The following USP48 variants were observed in gnomAD, a reference collection of about 807,000 sequenced individuals.
USP48 encodes ubiquitin specific peptidase 48.
Under a neutral mutation model 150.7 loss-of-function variants are expected in USP48, and 43 were observed. That is an observed-to-expected ratio of 0.29 (90% CI 0.22 to 0.37). The LOEUF is 0.37. Among genes scored for constraint, USP48 ranks in the 10% least tolerant of loss-of-function variants. The pLI is 1.00. For missense variants in USP48, 813 were observed against 1,249.6 expected, an observed-to-expected ratio of 0.65 and a Z score of 5.27; for synonymous variants, 396 against 425.9, an observed-to-expected ratio of 0.93 and a Z score of 0.86.
chr1:21,770,873 A>G lies in USP48; in HGVS notation c.134+11951T>C, dbSNP rs559903341. ...TACAGTGGCTCACGCCTGTAATCCC[A>G]GCACTATGGGACACCGAGGCAGGCA... On this transcript the variant is annotated intron_variant, in intron 1 of 26. Transcript: ENST00000308271. 2.5e-4 allele frequency among the ~76,000 whole-genome samples: 38 copies of G among 152,146 alleles called. No homozygotes were observed. In the South Asian group the frequency reaches 5.4e-3, roughly 22 times the overall value.
chr1:21,731,823 C>T (rs893047259), intron 9 of USP48, among the ~76,000 whole-genome samples: 7 of 152,026 alleles, frequency 4.6e-5, no homozygotes, highest in Admixed American at 2.0e-4. Flanking sequence ...GAGCCAAGAT[C>T]ACGCCACTGT....
At chr1:21,690,123 A>C in intron 23 of USP48, 24 bp from the exon 24 acceptor site, 1 of 1,604,342 alleles carries the variant, frequency 6.2e-7, no homozygotes, top group Non-Finnish European at 8.5e-7. Flanking sequence ...AAAGAGAGAA[A>C]GTCCGTATAA....
At chr1:21,689,683 C>A (rs2097591450) in intron 24 of USP48, among the ~76,000 whole-genome samples, 1 of 152,112 alleles carries the variant, frequency 6.6e-6, no homozygotes, top group African/African-American at 2.4e-5. Flanking sequence ...CCAGGAAAGG[C>A]CAAGGAAAGC....
chr1:21,780,738 A>ATTTTTTTT (rs34071636), intron 1 of USP48, among the ~76,000 whole-genome samples: 1 of 117,452 alleles, frequency 8.5e-6, no homozygotes, highest in Non-Finnish European at 1.7e-5. Flanking sequence ...AGATAAGATA[A>ATTTTTTTT]TTTTTTTTTT....
intron 22 of USP48, 120 bp downstream of exon 22, chr1:21,701,378 A>AG (rs1449382630): frequency 4.1e-6 from 3 of 737,494 alleles, no homozygotes; most frequent in Non-Finnish European, 4.3e-6. Flanking sequence ...AAAAAAAAAA[A>AG]AAAGAAAAAA....
chr1:21,678,559 G>T lies in USP48; in HGVS notation c.*858C>A, dbSNP rs528648699. 7.2e-5 allele frequency: 11 copies of T among 152,272 alleles called. No homozygotes were observed. Among genetic ancestry groups the T allele is most frequent in the Non-Finnish European group, 1.0e-4 (7 of 68,012 alleles). The allele number at this position is 152,272 out of a possible 1,614,324, so 9.4% of individuals were successfully genotyped here. A position where few individuals can be genotyped will look rare whatever the true frequency, so the allele number is the denominator to read the frequency against. On this transcript the variant is annotated 3_prime_UTR_variant, in exon 27 of 27. Transcript: ENST00000308271. ...AGAACAAATTTTATAGAAACCTTGT[G>T]TTATCCAAATGTACTTCAGTCTGAT...
At chr1:21,679,490 G>C (rs1274765437) in intron 26 of USP48, 51 bp from the exon 27 acceptor site, 1 of 1,607,210 alleles carries the variant, frequency 6.2e-7, no homozygotes. Flanking sequence ...CAGATTAAAA[G>C]TTCATGGATT....
intron 1 of USP48, among the ~76,000 whole-genome samples, chr1:21,771,564 A>G (rs568150366): frequency 6.6e-6 from 1 of 151,972 alleles, no homozygotes; most frequent in South Asian, 2.1e-4. Context: ...AATACTATAA[A>G]ATAATTAGAA....
At chr1:21,727,907 T>C in intron 11 of USP48, 3 of 982,818 alleles carry the variant, frequency 3.1e-6, no homozygotes, top group Non-Finnish European at 3.6e-6. Context: ...CTTCCTTAAG[T>C]AGGAATTAGG....
intron 15 of USP48, among the ~76,000 whole-genome samples, chr1:21,711,212 G>A (rs938339214): frequency 6.6e-6 from 1 of 152,150 alleles, no homozygotes; most frequent in African/African-American, 2.4e-5. Flanking sequence ...TTAACTCTAA[G>A]TTGGCGAAAG....
intron 23 of USP48, among the ~76,000 whole-genome samples, chr1:21,691,786 C>T (rs1021899405): frequency 3.3e-5 from 5 of 152,168 alleles, no homozygotes; most frequent in Non-Finnish European, 7.3e-5. Context: ...GACAGGCAAA[C>T]ACAGGTAACC....
intron 15 of USP48, among the ~76,000 whole-genome samples, chr1:21,707,239 G>A (rs891265901): frequency 4.6e-5 from 7 of 152,176 alleles, no homozygotes; most frequent in Admixed American, 4.6e-4. Flanking sequence ...GGCAAGCGCT[G>A]CTTAACAAAA....
In USP48 at chr1:21,748,104, T is replaced by G; in HGVS notation, c.908+34A>C. 4 of 1,599,472 alleles carry G rather than the reference T, an allele frequency of 2.5e-6. No homozygotes were observed. In the South Asian group the frequency reaches 3.4e-5, roughly 14 times the overall value. ...AAAGTCTGTACATAGTAGACCACAA[T>G]GAACAACAAACACTAATATTTGCAC... On this transcript the variant is annotated intron_variant, in intron 7 of 26. Coordinates refer to ENST00000308271, the MANE Select transcript of USP48 (RefSeq NM_032236.8).
At chr1:21,720,395 C>T (rs914937484) in intron 14 of USP48, among the ~76,000 whole-genome samples, 2 of 152,164 alleles carry the variant, frequency 1.3e-5, no homozygotes, top group African/African-American at 4.8e-5. Context: ...TGAGTCCTTG[C>T]TGAATTTCAA....
chr1:21,723,410 C>T (rs1241207154), intron 12 of USP48, among the ~76,000 whole-genome samples: 1 of 151,750 alleles, frequency 6.6e-6, no homozygotes, highest in Non-Finnish European at 1.5e-5. Context: ...ATCTCAGCTA[C>T]TCGGGAGGCT....
chr1:21,682,807 G>A (rs2097569776), intron 25 of USP48, among the ~76,000 whole-genome samples: 1 of 151,784 alleles, frequency 6.6e-6, no homozygotes, highest in African/African-American at 2.4e-5. Flanking sequence ...CCCAGGACGG[G>A]GAGATTGTAG....
chr1:21,773,576 G>T (rs909345789), intron 1 of USP48, among the ~76,000 whole-genome samples: 4 of 152,128 alleles, frequency 2.6e-5, no homozygotes, highest in Non-Finnish European at 4.4e-5. Context: ...GCTATTTTTC[G>T]CTAATCAGAT....
intron 3 of USP48, 145 bp from the exon 4 acceptor site, chr1:21,753,264 G>T: frequency 2.1e-6 from 2 of 932,642 alleles, no homozygotes; most frequent in Non-Finnish European, 3.0e-6. Flanking sequence ...AACTTTAAAA[G>T]AAATAGGCTG....
At chr1:21,698,509 GCTTT>G (rs2097644603) in intron 22 of USP48, among the ~76,000 whole-genome samples, 1 of 152,134 alleles carries the variant, frequency 6.6e-6, no homozygotes, top group Non-Finnish European at 1.5e-5. Flanking sequence ...AAAAAAGTTA[GCTTT>G]CTAAAATCTA....
Sources: allele counts gnomAD v4.1 joint callset (sites outside exome capture counted in the v4.1 genomes callset), GRCh38; gene constraint gnomAD v4.1.1; transcripts MANE v1.5; gene names NCBI Gene and HGNC (gene_info 2026-07-23, HGNC 2026-07-21).